PRKN: variants seen among roughly 807,000 people sequenced by gnomAD.
The protein encoded by PRKN is E3 ubiquitin-protein ligase parkin.
PRKN carries 56 observed loss-of-function variants against 59.5 expected under a neutral mutation model. That is an observed-to-expected ratio of 0.94 (90% CI 0.76 to 1.18). PRKN has a LOEUF of 1.18. Ranked by LOEUF, PRKN falls within the 50% of genes most tolerant of loss-of-function variation. The pLI, the probability that PRKN is intolerant of heterozygous loss-of-function variation, is 0.00. For synonymous variants in PRKN, 250 were observed against 222.1 expected (o/e 1.13, Z -1.12); for missense variants, 657 against 596.4 (o/e 1.10, Z -1.06).
intron 9 of PRKN, among the ~76,000 whole-genome samples, chr6:161,512,744 A>G (rs73782922): frequency 6.6e-6 from 1 of 152,328 alleles, no homozygotes; most frequent in African/African-American, 2.4e-5. Flanking sequence ...AAACGCGGAG[A>G]GGCAAGTGCC....
At chr6:161,620,978 G>A (rs904547435) in intron 7 of PRKN, among the ~76,000 whole-genome samples, 1 of 152,232 alleles carries the variant, frequency 6.6e-6, no homozygotes, top group African/African-American at 2.4e-5. Flanking sequence ...ACTATCCAGG[G>A]GGATTCTGGC....
At position 161,499,816 on chromosome 6, in the gene PRKN, T is replaced by G. The variant is rs1397765505; in HGVS notation, c.1083+49038A>C. ...AAGAATTTTTATTCTCTTCTAGCTT[T>G]GAAAGACCCTTCAGAAGGTAGAATT... is the stretch of plus-strand genomic sequence containing the variant. On this transcript the variant is annotated intron_variant, in intron 9 of 11. Coordinates refer to ENST00000366898, the MANE Select transcript of PRKN (RefSeq NM_004562.3). The surrounding 1 kb of genome is among the most constrained non-coding windows in gnomAD (Gnocchi z 4.2). Among the ~76,000 whole-genome samples, 2 of 152,218 alleles carry G rather than the reference T, an allele frequency of 1.3e-5. No homozygotes were observed. The highest frequency in any genetic ancestry group is 4.8e-5 in the African/African-American group (2 of 41,454).
intron 6 of PRKN, among the ~76,000 whole-genome samples, chr6:161,965,498 A>G (rs1298345787): frequency 6.6e-6 from 1 of 152,078 alleles, no homozygotes; most frequent in African/African-American, 2.4e-5. Flanking sequence ...GAGATTCACT[A>G]GCTGCCTTCT....
At position 162,340,465 on chromosome 6, in the gene PRKN, G is replaced by A. The variant is rs550451994; in HGVS notation, c.172-77700C>T. ...CTAGACATTTCCCTGTAGAAAACTG[G>A]CAGATATCTAATAGAGTATTGCTTC... is the stretch of plus-strand genomic sequence containing the variant. On this transcript the variant is annotated intron_variant, in intron 2 of 11. Transcript: ENST00000366898. 9.9e-5 allele frequency among the ~76,000 whole-genome samples: 15 copies of A among 152,266 alleles called. No homozygotes were observed. The South Asian group carries it at 3.1e-3, about 32-fold the overall frequency.
chr6:161,569,806 T>C (rs1051053690), intron 7 of PRKN, among the ~76,000 whole-genome samples: 1 of 152,168 alleles, frequency 6.6e-6, no homozygotes, highest in Non-Finnish European at 1.5e-5. Flanking sequence ...CTCTGACTTA[T>C]TCATCATGTC....
intron 3 of PRKN, among the ~76,000 whole-genome samples, chr6:162,235,950 G>GA (rs1562602152): frequency 1.8e-4 from 18 of 102,358 alleles, no homozygotes; most frequent in Non-Finnish European, 1.9e-4. Context: ...AGGAAGGAAG[G>GA]AAGAAAGGAA....
Position 162,494,077 on chromosome 6 carries a change from T to C in PRKN, c.8-50604A>G, listed in dbSNP as rs534174021. On this transcript the variant is annotated intron_variant, in intron 1 of 11. Coordinates refer to ENST00000366898, the MANE Select transcript of PRKN (RefSeq NM_004562.3). The stretch of plus-strand genomic sequence containing the variant: ...CTGCCTCATTGTGGAGATGCTGCAA[T>C]GTGCCACTGTGGCTGTCTGGACTAC... 2.0e-5 allele frequency among the ~76,000 whole-genome samples: 3 copies of C among 152,344 alleles called. No individual in the cohort carries two copies. In the East Asian group the frequency reaches 5.8e-4, roughly 29 times the overall value.
At chr6:161,746,206 C>T (rs1486142823) in intron 7 of PRKN, among the ~76,000 whole-genome samples, 7 of 152,246 alleles carry the variant, frequency 4.6e-5, no homozygotes, top group African/African-American at 1.4e-4. Flanking sequence ...TCTCTGTTGC[C>T]AAAACCCAGG....
intron 1 of PRKN, among the ~76,000 whole-genome samples, chr6:162,703,648 T>C (rs1385416680): frequency 6.6e-6 from 1 of 152,186 alleles, no homozygotes; most frequent in East Asian, 1.9e-4. Context: ...AAGTAGATCA[T>C]ACTATCCCCA....
At position 162,231,780 on chromosome 6, in the gene PRKN, G is replaced by T. The variant is rs77798246; in HGVS notation, c.413-30528C>A. 5.4e-3 allele frequency among the ~76,000 whole-genome samples: 826 copies of T among 152,270 alleles called. 3 individuals carry two copies. Among genetic ancestry groups the T allele is most frequent in the Non-Finnish European group, 9.0e-3 (613 of 68,024 alleles). On this transcript the variant is annotated intron_variant, in intron 3 of 11. Coordinates refer to ENST00000366898, the MANE Select transcript of PRKN (RefSeq NM_004562.3). ...ATCAGGAAGCCTAATTTAACCACCT[G>T]ATCCGCTGTCCCAAATGATTAACTA...
At chr6:161,819,442 G>C (rs930527011) in intron 6 of PRKN, among the ~76,000 whole-genome samples, 1 of 152,058 alleles carries the variant, frequency 6.6e-6, no homozygotes, top group Non-Finnish European at 1.5e-5. Context: ...AGTGAGCTGA[G>C]GTCACGCACT....
intron 5 of PRKN, among the ~76,000 whole-genome samples, chr6:162,012,103 C>G (rs1329267022): frequency 2.0e-5 from 3 of 152,088 alleles, no homozygotes; most frequent in Non-Finnish European, 4.4e-5. Context: ...TTCCTTTGAT[C>G]ACGTCATCCT....
At chr6:162,515,581 T>C (rs928039496) in intron 1 of PRKN, among the ~76,000 whole-genome samples, 1 of 152,232 alleles carries the variant, frequency 6.6e-6, no homozygotes, top group African/African-American at 2.4e-5. Context: ...TTGGTAAGTA[T>C]TGGTAAAACT....
At chr6:161,572,026 TG>T (rs1480092157) in intron 7 of PRKN, among the ~76,000 whole-genome samples, 2 of 152,160 alleles carry the variant, frequency 1.3e-5, no homozygotes, top group Non-Finnish European at 2.9e-5. Context: ...AAGGCTTTCC[TG>T]GTTTTCCAGC....
rs1781467700 is a variant in PRKN at position 161,584,893 on chromosome 6, T to G, written c.872-15477A>C. Reference sequence around the variant, plus strand: ...ACAAATTAAACAGCACAAGCCTGGCTGCCGGGATGGCTGTATTAGCAATGC... The same window carrying G: ...ACAAATTAAACAGCACAAGCCTGGCGGCCGGGATGGCTGTATTAGCAATGC... On this transcript the variant is annotated intron_variant, in intron 7 of 11. Coordinates refer to ENST00000366898, the MANE Select transcript of PRKN (RefSeq NM_004562.3). The surrounding 1 kb of genome is among the most constrained non-coding windows in gnomAD (Gnocchi z 4.8). Among the ~76,000 whole-genome samples the G allele has an allele frequency of 1.3e-5, 2 of 152,238 alleles. No individual in the cohort carries two copies. The highest frequency in any genetic ancestry group is 1.3e-4 in the Admixed American group (2 of 15,286).
At chr6:162,439,459 T>C (rs1320468510) in intron 2 of PRKN, among the ~76,000 whole-genome samples, 1 of 151,870 alleles carries the variant, frequency 6.6e-6, no homozygotes, top group African/African-American at 2.4e-5. Flanking sequence ...CAGTTCCACA[T>C]CTGAGGTAAC....
rs1330593364 is a variant in PRKN, at chr6:161,372,946, C to T, written c.1168-12741G>A. On this transcript the variant is annotated intron_variant, in intron 10 of 11. Transcript: ENST00000366898. The surrounding 1 kb of genome is among the most constrained non-coding windows in gnomAD (Gnocchi z 4.2). ...CTGGGCTCTCGAGTAGCTGGGACTA[C>T]AGGCACATGCTTCTGTCCTCTGCTG... is the stretch of plus-strand genomic sequence containing the variant. Among the ~76,000 whole-genome samples the T allele has an allele frequency of 2.0e-5, 3 of 150,802 alleles. No individual in the cohort carries two copies. The highest frequency in any genetic ancestry group is 2.1e-4 in the South Asian group (1 of 4,756).
intron 1 of PRKN, among the ~76,000 whole-genome samples, chr6:162,718,828 T>C (rs1778824638): frequency 6.6e-6 from 1 of 152,148 alleles, no homozygotes; most frequent in Non-Finnish European, 1.5e-5. Context: ...AGACTTGGTA[T>C]AAAACTCAAG....
chr6:161,481,456 T>C (rs1791393385), intron 9 of PRKN, among the ~76,000 whole-genome samples: 2 of 151,928 alleles, frequency 1.3e-5, no homozygotes, highest in African/African-American at 2.4e-5. Context: ...TACAAAAAAT[T>C]AGCTGGGCAT....
Sources: allele counts gnomAD v4.1 joint callset (sites outside exome capture counted in the v4.1 genomes callset), GRCh38; gene constraint gnomAD v4.1.1; non-coding constraint Gnocchi (gnomAD v3.1); transcripts MANE v1.5; gene names NCBI Gene and HGNC (gene_info 2026-07-23, HGNC 2026-07-21).